The following ECHDC2 variants were observed in gnomAD, a reference collection of about 807,000 sequenced individuals.
ECHDC2 encodes enoyl-CoA hydratase domain containing 2, also known as enoyl-CoA hydratase domain-containing protein 2, mitochondrial.
Under a neutral mutation model 40.6 loss-of-function variants are expected in ECHDC2, and 34 were observed. The ratio of observed to expected loss-of-function variants is 0.84; its 90% CI spans 0.64 to 1.11. The LOEUF (loss-of-function observed/expected upper bound fraction) is 1.11. Among genes scored for constraint, ECHDC2 ranks in the 50% most tolerant of loss-of-function variants. ECHDC2 has a pLI of 0.00. For missense variants in ECHDC2, 392 were observed against 400.7 expected (o/e 0.98, Z 0.19); for synonymous variants, 162 against 166.6 (o/e 0.97, Z 0.21).
rs540794087 is a variant in ECHDC2 at position 52,898,082 on chromosome 1, T to G, written c.754-598A>C. The G allele has an allele frequency of 1.1e-4, 19 of 165,626 alleles. No individual in the cohort carries two copies. In the South Asian group the frequency reaches 3.1e-3, roughly 27 times the overall value. The allele number at this position is 165,626 out of a possible 1,614,324, so 10.3% of individuals were successfully genotyped here. ...TTGCCCATACTTTTCCTCTGGAATT[T>G]TTATCCTTCCCACAGTCCAACTGTA... On this transcript the variant is annotated intron_variant, in intron 8 of 9. Transcript: ENST00000371522.
chr1:52,908,354 A>C (rs955231898), intron 3 of ECHDC2, among the ~76,000 whole-genome samples: 1 of 151,988 alleles, frequency 6.6e-6, no homozygotes, highest in Non-Finnish European at 1.5e-5. Flanking sequence ...TACAAAAATC[A>C]GCCAGGTGTG....
chr1:52,917,060 TA>T (rs1365264893), intron 1 of ECHDC2, among the ~76,000 whole-genome samples: 1 of 151,358 alleles, frequency 6.6e-6, no homozygotes, highest in Non-Finnish European at 1.5e-5. Flanking sequence ...CCGTCTTTAC[TA>T]AAAAGACAAA....
intron 3 of ECHDC2, 113 bp from the exon 4 acceptor site, chr1:52,908,067 G>C (rs1648411917): frequency 7.9e-6 from 7 of 880,738 alleles, no homozygotes; most frequent in Admixed American, 4.3e-5. Flanking sequence ...AGCGAGGAAG[G>C]AGAAACACCA....
intron 1 of ECHDC2, chr1:52,920,664 T>G (rs1385357835): frequency 2.9e-6 from 2 of 697,250 alleles, no homozygotes; most frequent in Middle Eastern, 4.1e-4. Context: ...CTCTATTCCC[T>G]GCCATAACAT....
intron 1 of ECHDC2, among the ~76,000 whole-genome samples, chr1:52,919,565 G>A (rs555851486): frequency 6.6e-6 from 1 of 152,072 alleles, no homozygotes; most frequent in Admixed American, 6.6e-5. Flanking sequence ...ATGTAGCCCC[G>A]TTGTTAAGCA....
In ECHDC2 at chr1:52,908,099, A is replaced by C. The variant is rs532475556; in HGVS notation, c.278-145T>G. The C allele has an allele frequency of 1.2e-5, 8 of 667,504 alleles. No homozygotes were observed. The South Asian group carries it at 1.3e-4, about 11-fold the overall frequency. The allele number at this position is 667,504 out of a possible 1,614,324, so 41.3% of individuals were successfully genotyped here. A position where few individuals can be genotyped will look rare whatever the true frequency, so the allele number is the denominator to read the frequency against. On this transcript the variant is annotated intron_variant, in intron 3 of 9. Coordinates refer to ENST00000371522, the MANE Select transcript of ECHDC2 (RefSeq NM_001198961.2). ...ACCAGGAACCCGGGCAAGGAAGTCA[A>C]GGGAAAAGAGGAGCATCAAACAAGG...
At chr1:52,906,045 C>T in intron 5 of ECHDC2, 1 of 326,004 alleles carries the variant, frequency 3.1e-6, no homozygotes, top group South Asian at 2.6e-5. Context: ...TCTTCTTTAT[C>T]CCCTCCCATT....
At chr1:52,911,451 T>G in intron 3 of ECHDC2, 115 bp downstream of exon 3, 1 of 986,608 alleles carries the variant, frequency 1.0e-6, no homozygotes, top group Non-Finnish European at 1.5e-6. Context: ...TGCATTCACA[T>G]CGGTAAAATG....
chr1:52,921,128 C>T (rs1259593653), intron 1 of ECHDC2, among the ~76,000 whole-genome samples: 1 of 152,242 alleles, frequency 6.6e-6, no homozygotes, highest in Non-Finnish European at 1.5e-5. Context: ...GCTGGAGAGG[C>T]ACCCTCCTCA....
Position 52,906,586 on chromosome 1 carries a change from C to T in ECHDC2, c.390G>A (p.Ala130=), listed in dbSNP as rs752200391. 1.9e-5 allele frequency: 30 copies of T among 1,612,134 alleles called. No homozygotes were observed. Among genetic ancestry groups the T allele is most frequent in the East Asian group, 4.5e-5 (2 of 44,890 alleles). The change falls in exon 5 of 10, where the codon GCG becomes GCA. Residue 130 remains alanine (A), a synonymous_variant. Transcript: ENST00000371522. The part of the protein sequence containing the change: ...DIAAFPAPTI[A]AMDGFALGGG... ...CGCCCAAGGCAAACCCATCCATAGCCGCAATGGTGGGTGCAGGGAAGGCTG... is the reference window on the plus strand; with the variant it reads ...CGCCCAAGGCAAACCCATCCATAGCTGCAATGGTGGGTGCAGGGAAGGCTG...
intron 1 of ECHDC2, among the ~76,000 whole-genome samples, chr1:52,920,062 G>C (rs1651543467): frequency 6.6e-6 from 1 of 152,230 alleles, no homozygotes; most frequent in Non-Finnish European, 1.5e-5. Flanking sequence ...ATCAGACCTG[G>C]TTCAAATAAC....
chr1:52,901,174 A>G (rs1646968963), intron 7 of ECHDC2: 1 of 151,610 alleles, frequency 6.6e-6, no homozygotes, highest in Non-Finnish European at 1.5e-5. Context: ...AAATAAATAA[A>G]TAAATAAATA....
intron 9 of ECHDC2, 64 bp from the exon 10 acceptor site, chr1:52,896,661 T>G: frequency 1.5e-6 from 2 of 1,376,790 alleles, no homozygotes; most frequent in South Asian, 1.2e-5. Flanking sequence ...AAGAGTTGCT[T>G]AAGCTTGTCC....
chr1:52,897,727 C>T (rs1453432038), intron 8 of ECHDC2: 3 of 585,358 alleles, frequency 5.1e-6, no homozygotes, highest in Non-Finnish European at 6.1e-6. Context: ...CCTCACCACG[C>T]TTCCTGTCAC....
chr1:52,912,039 GA>G (rs1457316178), intron 1 of ECHDC2: 2 of 1,407,048 alleles, frequency 1.4e-6, no homozygotes, highest in Non-Finnish European at 1.8e-6. Flanking sequence ...GCAAAATGGG[GA>G]GAGGAACAAC....
Position 52,896,571 on chromosome 1 carries a change from C to T in ECHDC2, c.828G>A (p.Glu276=), listed in dbSNP as rs752689794. 14 of 1,614,036 alleles carry T rather than the reference C, an allele frequency of 8.7e-6. No homozygotes were observed. The Admixed American group carries it at 1.0e-4, about 12-fold the overall frequency. The change falls in exon 10 of 10, where the codon GAG becomes GAA. Residue 276 remains glutamate (E), a synonymous_variant. Coordinates refer to ENST00000371522, the MANE Select transcript of ECHDC2 (RefSeq NM_001198961.2). ...GCTTCTCCCTGAAGGCTGCCATGCC[C>T]TCTAGCCGGTCCCGGGTTGGAATAT... ...AQNIPTRDRL[E]GMAAFREKRT...
Position 52,911,667 on chromosome 1 carries a change from C to T in ECHDC2, c.190-14G>A. 1 of 1,614,180 alleles carries T rather than the reference C, an allele frequency of 6.2e-7. No homozygotes were observed. The highest frequency in any genetic ancestry group is 2.2e-5 in the East Asian group (1 of 44,884). On this transcript the variant is annotated splice_polypyrimidine_tract_variant and intron_variant, in intron 2 of 9. Coordinates refer to ENST00000371522, the MANE Select transcript of ECHDC2 (RefSeq NM_001198961.2). ...AGTTTCCAGCAGCTACAGAGGACAC[C>T]CAGTTAGATAGTGCCAGCCCATCCC...
At chr1:52,911,859 C>G in intron 1 of ECHDC2, 69 bp from the exon 2 acceptor site, 2 of 1,586,150 alleles carry the variant, frequency 1.3e-6, no homozygotes, top group African/African-American at 1.3e-5. Context: ...GGGCTGGGGA[C>G]TGGAGGCAGG....
rs1647510476 is a variant in ECHDC2 at position 52,905,363 on chromosome 1, C to T, written c.458-273G>A. ...AGCCTCAAAGGTGGAAGAAAGATGG[C>T]TGGCCCTCTTCTGTCTGCTTCAGAG... is the stretch of plus-strand genomic sequence containing the variant. On this transcript the variant is annotated intron_variant, in intron 5 of 9. Coordinates refer to ENST00000371522, the MANE Select transcript of ECHDC2 (RefSeq NM_001198961.2). 17 of 530,372 alleles carry T rather than the reference C, an allele frequency of 3.2e-5. No individual in the cohort carries two copies. The East Asian group carries it at 4.6e-4, about 14-fold the overall frequency. 32.9% of individuals were successfully genotyped at this position (530,372 alleles called of 1,614,324 possible). A position where few individuals can be genotyped will look rare whatever the true frequency, so the allele number is the denominator to read the frequency against.
Sources: gnomAD v4.1 joint callset for allele counts (sites outside exome capture counted in the v4.1 genomes callset) on GRCh38, gnomAD v4.1.1 for gene constraint, MANE v1.5 for transcripts, NCBI Gene and HGNC (gene_info 2026-07-23, HGNC 2026-07-21) for gene names.